Variants in KLHDC3 observed in about 807,000 individuals in gnomAD.
KLHDC3 encodes the protein kelch domain-containing protein 3.
A neutral mutation model predicts 44.1 loss-of-function variants in KLHDC3; 5 were observed. That is an observed-to-expected ratio of 0.11 (90% CI 0.06 to 0.24). The LOEUF is 0.24. KLHDC3 is among the 10% of genes least tolerant of loss of function. The pLI is 1.00. For synonymous variants in KLHDC3, 170 were observed against 189.0 expected, an observed-to-expected ratio of 0.90 and a Z score of 0.82; for missense variants, 247 against 514.3, an observed-to-expected ratio of 0.48 and a Z score of 5.03.
At position 43,019,328 on chromosome 6, in the gene KLHDC3, G is replaced by A; in HGVS notation, c.1044G>A (p.Gln348=). The A allele has an allele frequency of 6.2e-7, 1 of 1,613,982 alleles. No individual in the cohort carries two copies. Among genetic ancestry groups the A allele is most frequent in the Non-Finnish European group, 8.5e-7 (1 of 1,179,868 alleles). Residue 348 remains glutamine (Q), a synonymous_variant, in exon 10 of 11, where the codon CAG becomes CAA. Coordinates refer to ENST00000326974, the MANE Select transcript of KLHDC3 (RefSeq NM_057161.4). ...LKTLCKLAVI[Q]YNLDQSCLPH... ...CTCTGTGCAAACTGGCCGTGATTCA[G>A]TATAACCTAGACCAGTCCTGTTTGC...
rs1433423662 is a variant in KLHDC3 at position 43,018,599 on chromosome 6, C to T, written c.734-34C>T. The T allele has an allele frequency of 6.2e-7, 1 of 1,612,502 alleles. No individual in the cohort carries two copies. The highest frequency in any genetic ancestry group is 1.1e-5 in the South Asian group (1 of 91,062). On this transcript the variant is annotated intron_variant, in intron 6 of 10. Coordinates refer to ENST00000326974, the MANE Select transcript of KLHDC3 (RefSeq NM_057161.4). This position sits in a 1 kb window ranked among gnomAD's most constrained non-coding sequence, Gnocchi z 6.0. ...CCCTGTGGAGTTCCCTTCCTGCCCTCTTCACACTCCTGACACTTCCTCTCT... is the reference window on the plus strand; with the variant it reads ...CCCTGTGGAGTTCCCTTCCTGCCCTTTTCACACTCCTGACACTTCCTCTCT...
At chr6:43,020,550 G>A (rs1366736669) in intron 10 of KLHDC3, 117 bp from the exon 11 acceptor site, 3 of 765,352 alleles carry the variant, frequency 3.9e-6, no homozygotes, top group Non-Finnish European at 6.9e-6. Context: ...AGGTGGCTGT[G>A]GGTGGTTGAC....
In KLHDC3 at chr6:43,021,007, G is replaced by C; in HGVS notation, c.*274G>C. On this transcript the variant is annotated 3_prime_UTR_variant, in exon 11 of 11. Transcript: ENST00000326974. ...CTCCTGGGCCTCAGCTCTGCCCAGG[G>C]CCAGCCAGGTTCTGCTGGGAAGGGA... The C allele has an allele frequency of 1.7e-6, 1 of 602,300 alleles. No homozygotes were observed. Among genetic ancestry groups the C allele is most frequent in the South Asian group, 1.5e-5 (1 of 65,868 alleles). 37.3% of individuals were successfully genotyped at this position (602,300 alleles called of 1,614,324 possible). A position where few individuals can be genotyped will look rare whatever the true frequency, so the allele number is the denominator to read the frequency against.
chr6:43,018,306 G>T lies in KLHDC3; in HGVS notation c.520-37G>T, dbSNP rs896231505. On this transcript the variant is annotated intron_variant, in intron 5 of 10. Coordinates refer to ENST00000326974, the MANE Select transcript of KLHDC3 (RefSeq NM_057161.4). This position sits in a 1 kb window ranked among gnomAD's most constrained non-coding sequence, Gnocchi z 6.0. ...CAGAGGAGATCCTCTTCCAGTCTTT[G>T]TGCTGACCCCTCCACCATCTCTCTG... The T allele has an allele frequency of 6.3e-7, 1 of 1,597,278 alleles. No individual in the cohort carries two copies. Among genetic ancestry groups the T allele is most frequent in the Non-Finnish European group, 8.6e-7 (1 of 1,165,564 alleles).
intron 1 of KLHDC3, chr6:43,014,658 C>T (rs1581873439): frequency 6.6e-6 from 3 of 455,582 alleles, no homozygotes; most frequent in Non-Finnish European, 1.3e-5. Flanking sequence ...CTAGGGGAGG[C>T]CGGAATGTCT....
At position 43,019,380 on chromosome 6, in the gene KLHDC3, T is replaced by C. The variant is rs759990512; in HGVS notation, c.1082+14T>C. 19 of 1,594,716 alleles carry C rather than the reference T, an allele frequency of 1.2e-5. No individual in the cohort carries two copies. Among genetic ancestry groups the C allele is most frequent in the Middle Eastern group, 1.7e-4 (1 of 6,026 alleles). On this transcript the variant is annotated intron_variant, in intron 10 of 10. Coordinates refer to ENST00000326974, the MANE Select transcript of KLHDC3 (RefSeq NM_057161.4). Reference sequence around the variant, plus strand: ...TCATGATATCAGGTACAGCGAGTGGTTGGAAGGGAGGGATTGAGTGAGGGT... The same window carrying C: ...TCATGATATCAGGTACAGCGAGTGGCTGGAAGGGAGGGATTGAGTGAGGGT...
chr6:43,020,899 G>T lies in KLHDC3; in HGVS notation c.*166G>T. Reference sequence around the variant, plus strand: ...TGTGAATTCAGTGGGGAGCTGTAGCGGGGTGGGGGCTAGGTTCCTCCCCCC... The same window carrying T: ...TGTGAATTCAGTGGGGAGCTGTAGCTGGGTGGGGGCTAGGTTCCTCCCCCC... On this transcript the variant is annotated 3_prime_UTR_variant, in exon 11 of 11. Transcript: ENST00000326974. The T allele has an allele frequency of 1.5e-6, 1 of 683,900 alleles. No homozygotes were observed. Among genetic ancestry groups the T allele is most frequent in the Non-Finnish European group, 2.7e-6 (1 of 376,660 alleles). 42.4% of individuals were successfully genotyped at this position (683,900 alleles called of 1,614,324 possible).
rs2150293673 is a variant in KLHDC3 at position 43,021,165 on chromosome 6, C to G, written c.*432C>G. 1 of 460,540 alleles carries G rather than the reference C, an allele frequency of 2.2e-6. No homozygotes were observed. The highest frequency in any genetic ancestry group is 6.8e-5 in the East Asian group (1 of 14,790). 28.5% of individuals were successfully genotyped at this position (460,540 alleles called of 1,614,324 possible). A position where few individuals can be genotyped will look rare whatever the true frequency, so the allele number is the denominator to read the frequency against. On this transcript the variant is annotated 3_prime_UTR_variant, in exon 11 of 11. Coordinates refer to ENST00000326974, the MANE Select transcript of KLHDC3 (RefSeq NM_057161.4). ...AGCTGAAAGGAGTTGCAGCTGTTGG[C>G]ATGAGACCTCCTTCTCCCCGTCTTG...
intron 10 of KLHDC3, among the ~76,000 whole-genome samples, chr6:43,020,231 A>G (rs1029863927): frequency 1.3e-5 from 2 of 151,874 alleles, no homozygotes; most frequent in East Asian, 3.9e-4. Flanking sequence ...GAAGGATAGG[A>G]GTGCTGAGTC....
chr6:43,017,057 G>A lies in KLHDC3; in HGVS notation c.-59-77G>A. Reference sequence around the variant, plus strand: ...CCCCAGGGTGACACTTGGAGGCAAAGGCTGGTTCTGGGCAGAGTCACAGTG... The same window carrying A: ...CCCCAGGGTGACACTTGGAGGCAAAAGCTGGTTCTGGGCAGAGTCACAGTG... On this transcript the variant is annotated intron_variant, in intron 1 of 10. Transcript: ENST00000326974. The surrounding 1 kb of genome is among the most constrained non-coding windows in gnomAD (Gnocchi z 6.0). 1 of 1,020,958 alleles carries A rather than the reference G, an allele frequency of 9.8e-7. No individual in the cohort carries two copies. 63.2% of individuals were successfully genotyped at this position (1,020,958 alleles called of 1,614,324 possible). A position where few individuals can be genotyped will look rare whatever the true frequency, so the allele number is the denominator to read the frequency against.
Position 43,017,123 on chromosome 6 carries a change from T to G in KLHDC3, c.-59-11T>G. On this transcript the variant is annotated splice_polypyrimidine_tract_variant and intron_variant, in intron 1 of 10. Coordinates refer to ENST00000326974, the MANE Select transcript of KLHDC3 (RefSeq NM_057161.4). This position sits in a 1 kb window ranked among gnomAD's most constrained non-coding sequence, Gnocchi z 6.0. ...TCGCCTGAGGATCCCGTGGCCCCAA[T>G]TTGTGTGCAGATAGCAGAGGCAGCA... 1.3e-6 allele frequency: 2 copies of G among 1,540,806 alleles called. No individual in the cohort carries two copies. Among genetic ancestry groups the G allele is most frequent in the Non-Finnish European group, 1.8e-6 (2 of 1,138,308 alleles).
chr6:43,019,247 T>C (rs1762641504), intron 9 of KLHDC3, 41 bp from the exon 10 acceptor site: 1 of 1,572,852 alleles, frequency 6.4e-7, no homozygotes, highest in East Asian at 2.2e-5. Context: ...GATCCTTTCC[T>C]CACCTTTGAC....
chr6:43,019,348 G>A lies in KLHDC3; in HGVS notation c.1064G>A (p.Cys355Tyr), dbSNP rs1762643153. ...AVIQYNLDQS[C>Y]LPHDIRWELN... ...ATTCAGTATAACCTAGACCAGTCCT[G>A]TTTGCCTCATGATATCAGGTACAGC... The change falls in exon 10 of 11, where the codon TGT becomes TAT. Residue 355 changes from cysteine (C) to tyrosine (Y), a missense_variant. This residue lies in a region of KLHDC3 where 176 missense variants were observed against 413.5 expected (regional missense o/e 0.43). Coordinates refer to ENST00000326974, the MANE Select transcript of KLHDC3 (RefSeq NM_057161.4). 6.2e-7 allele frequency: 1 copy of A among 1,613,222 alleles called. No homozygotes were observed.
At position 43,021,113 on chromosome 6, in the gene KLHDC3, C is replaced by G; in HGVS notation, c.*380C>G. The G allele has an allele frequency of 4.2e-6, 2 of 474,496 alleles. No individual in the cohort carries two copies. Among genetic ancestry groups the G allele is most frequent in the South Asian group, 1.5e-5 (1 of 64,738 alleles). The allele number at this position is 474,496 out of a possible 1,614,324, so 29.4% of individuals were successfully genotyped here. ...TCCCCCTTTGCCTATCCCCTCCCCT[C>G]TGCTTGAGCCTTGAGCCTTGACTGG... On this transcript the variant is annotated 3_prime_UTR_variant, in exon 11 of 11. Transcript: ENST00000326974.
chr6:43,017,162 G>GGGC lies in KLHDC3; in HGVS notation c.-30_-28dup, dbSNP rs758700376. On this transcript the variant is annotated 5_prime_UTR_variant, in exon 2 of 11. Transcript: ENST00000326974. This position sits in a 1 kb window ranked among gnomAD's most constrained non-coding sequence, Gnocchi z 6.0. ...GCAGAGGCAGCAGGCCGTGCCGGGG[G>GGGC]GGCATGTTGCTGTAACCAGTGGCCC... 6.2e-7 allele frequency: 1 copy of GGGC among 1,602,090 alleles called. No individual in the cohort carries two copies. Among genetic ancestry groups the GGGC allele is most frequent in the Non-Finnish European group, 8.5e-7 (1 of 1,175,516 alleles).
At chr6:43,016,196 G>T (rs1762568393) in intron 1 of KLHDC3, among the ~76,000 whole-genome samples, 1 of 152,052 alleles carries the variant, frequency 6.6e-6, no homozygotes, top group Non-Finnish European at 1.5e-5. Flanking sequence ...GCCTCTCAGG[G>T]TGCTGGGATT....
Position 43,021,053 on chromosome 6 carries a change from A to G in KLHDC3, c.*320A>G. On this transcript the variant is annotated 3_prime_UTR_variant, in exon 11 of 11. Coordinates refer to ENST00000326974, the MANE Select transcript of KLHDC3 (RefSeq NM_057161.4). ...AGGGAAGGGAATGGGGAGAAGGGAGAAGCAAGCAGTGTCTGAGCCTCAGGA... is the reference window on the plus strand; with the variant it reads ...AGGGAAGGGAATGGGGAGAAGGGAGGAGCAAGCAGTGTCTGAGCCTCAGGA... 1 of 527,624 alleles carries G rather than the reference A, an allele frequency of 1.9e-6. No homozygotes were observed. The highest frequency in any genetic ancestry group is 1.5e-5 in the South Asian group (1 of 65,198). 32.7% of individuals were successfully genotyped at this position (527,624 alleles called of 1,614,324 possible).
chr6:43,018,148 G>A lies in KLHDC3; in HGVS notation c.451G>A (p.Asp151Asn). Residue 151 changes from aspartate to asparagine, a missense_variant, in exon 5 of 11, where the codon GAC (aspartate) becomes AAC (asparagine). Asp to Asn is a conservative substitution (Grantham distance 23, BLOSUM62 1). This residue lies in a region of KLHDC3 where 176 missense variants were observed against 413.5 expected (regional missense o/e 0.43). Transcript: ENST00000326974. This position sits in a 1 kb window ranked among gnomAD's most constrained non-coding sequence, Gnocchi z 6.0. Reference protein sequence around the residue: ...YIFGGYEQQADCFSNDIHKLD... With the variant: ...YIFGGYEQQANCFSNDIHKLD... The stretch of plus-strand genomic sequence containing the variant: ...CTCCTTTTCTCTTCCTACTCAGGCG[G>A]ACTGTTTTTCCAATGACATTCACAA... The A allele has an allele frequency of 6.2e-7, 1 of 1,606,168 alleles. No individual in the cohort carries two copies. Among genetic ancestry groups the A allele is most frequent in the Non-Finnish European group, 8.5e-7 (1 of 1,172,924 alleles).
Position 43,020,995 on chromosome 6 carries a change from G to C in KLHDC3, c.*262G>C, listed in dbSNP as rs936545524. The C allele has an allele frequency of 4.9e-6, 3 of 616,806 alleles. No individual in the cohort carries two copies. In the African/African-American group the frequency reaches 5.4e-5, roughly 11 times the overall value. 38.2% of individuals were successfully genotyped at this position (616,806 alleles called of 1,614,324 possible). ...TCCTTTCAGCTGCTCCTGGGCCTCA[G>C]CTCTGCCCAGGGCCAGCCAGGTTCT... On this transcript the variant is annotated 3_prime_UTR_variant, in exon 11 of 11. Coordinates refer to ENST00000326974, the MANE Select transcript of KLHDC3 (RefSeq NM_057161.4).
Sources: allele counts gnomAD v4.1 joint callset (sites outside exome capture counted in the v4.1 genomes callset), GRCh38; gene constraint gnomAD v4.1.1; regional missense constraint gnomAD v4.1.1; non-coding constraint Gnocchi (gnomAD v3.1); transcripts MANE v1.5; gene names NCBI Gene and HGNC (gene_info 2026-07-23, HGNC 2026-07-21).